RMND1: variants seen among roughly 807,000 people sequenced by gnomAD.
The protein encoded by RMND1 is required for meiotic nuclear division 1 homolog.
In RMND1, 41 loss-of-function variants were observed where a neutral mutation model predicts 54.0. The ratio of observed to expected loss-of-function variants is 0.76; its 90% CI spans 0.59 to 0.98. RMND1 has a LOEUF of 0.98. Among genes scored for constraint, RMND1 ranks in the 50% least tolerant of loss-of-function variants. The pLI is 0.00. For synonymous variants in RMND1, 183 were observed against 181.7 expected, an observed-to-expected ratio of 1.01 and a Z score of -0.06; for missense variants, 457 against 532.0, an observed-to-expected ratio of 0.86 and a Z score of 1.39.
At chr6:151,408,901 C>G (rs1477772004) in intron 10 of RMND1, 1 of 152,218 alleles carries the variant, frequency 6.6e-6, no homozygotes, top group Non-Finnish European at 1.5e-5. Flanking sequence ...GACTTCTGAC[C>G]TACAGAACAG....
At chr6:151,414,163 G>A (rs927224841) in intron 10 of RMND1, among the ~76,000 whole-genome samples, 1 of 151,882 alleles carries the variant, frequency 6.6e-6, no homozygotes, top group South Asian at 2.1e-4. Flanking sequence ...TCAAACTCCT[G>A]GGCTAAAGCA....
chr6:151,429,287 A>G (rs1023641705), intron 5 of RMND1, among the ~76,000 whole-genome samples: 1 of 151,804 alleles, frequency 6.6e-6, no homozygotes, highest in African/African-American at 2.4e-5. Context: ...ACGCCCAGCT[A>G]ATTTTTGTAT....
chr6:151,408,012 A>T (rs938606657), intron 10 of RMND1, among the ~76,000 whole-genome samples: 21 of 152,202 alleles, frequency 1.4e-4, no homozygotes, highest in African/African-American at 4.1e-4. Context: ...CAAAGAAAAA[A>T]CCAGGAGAGG....
At chr6:151,426,492 T>C (rs575229802) in intron 6 of RMND1, among the ~76,000 whole-genome samples, 24 of 152,260 alleles carry the variant, frequency 1.6e-4, no homozygotes, top group African/African-American at 4.1e-4. Flanking sequence ...GTCTCTTAGA[T>C]TGACCCCTCA....
chr6:151,437,356 A>G (rs998882573), intron 2 of RMND1, among the ~76,000 whole-genome samples: 6 of 152,278 alleles, frequency 3.9e-5, no homozygotes, highest in South Asian at 2.1e-4. Context: ...CTATGTATCT[A>G]CTCTAGGTCG....
chr6:151,424,876 G>T (rs753826998), intron 6 of RMND1, among the ~76,000 whole-genome samples: 1 of 148,594 alleles, frequency 6.7e-6, no homozygotes, highest in Non-Finnish European at 1.5e-5. Context: ...GGGACAAGGG[G>T]CCTGATGGAG....
intron 7 of RMND1, 71 bp downstream of exon 7, chr6:151,423,454 C>G (rs146854593): frequency 1.1e-6 from 1 of 937,852 alleles, no homozygotes; most frequent in African/African-American, 1.6e-5. Flanking sequence ...ATACCAAAAT[C>G]GTGACTATTT....
In RMND1 at chr6:151,448,692, G is replaced by A. The variant is rs192724366; in HGVS notation, c.-14-2867C>T. Among the ~76,000 whole-genome samples, 89 of 152,130 alleles carry A rather than the reference G, an allele frequency of 5.9e-4. 1 individual carries two copies. Among genetic ancestry groups the A allele is most frequent in the African/African-American group, 2.1e-3 (87 of 41,486 alleles). Reference sequence around the variant, plus strand: ...TAACCAGTTTTCCTGATTCTGTTTTGGGCCCCCTACAGTTTCTTCTCAACA... The same window carrying A: ...TAACCAGTTTTCCTGATTCTGTTTTAGGCCCCCTACAGTTTCTTCTCAACA... On this transcript the variant is annotated intron_variant, in intron 1 of 11. Coordinates refer to ENST00000444024, the MANE Select transcript of RMND1 (RefSeq NM_017909.4).
intron 10 of RMND1, among the ~76,000 whole-genome samples, chr6:151,406,157 T>C (rs1033977868): frequency 6.6e-6 from 1 of 152,208 alleles, no homozygotes; most frequent in Non-Finnish European, 1.5e-5. Flanking sequence ...ATAATGTTTT[T>C]TAGCAAGACC....
At chr6:151,434,848 A>G (rs550987914) in intron 3 of RMND1, among the ~76,000 whole-genome samples, 1 of 152,202 alleles carries the variant, frequency 6.6e-6, no homozygotes, top group South Asian at 2.1e-4. Flanking sequence ...AAAATGTTCT[A>G]AGTAACTTAT....
chr6:151,407,798 TCAGGAGGCTGAGG>T (rs2114912388), intron 10 of RMND1, among the ~76,000 whole-genome samples: 1 of 152,020 alleles, frequency 6.6e-6, no homozygotes, highest in South Asian at 2.1e-4. Flanking sequence ...TCCCAGCCAG[TCAGGAGGCTGAGG>T]CAGGAGAATA....
intron 2 of RMND1, 96 bp from the exon 3 acceptor site, chr6:151,436,650 A>C: frequency 8.6e-7 from 1 of 1,166,638 alleles, no homozygotes; most frequent in Non-Finnish European, 1.2e-6. Context: ...CTGCAAAGCT[A>C]GAACTCCAGA....
Position 151,405,722 on chromosome 6 carries a change from C to G in RMND1, c.1315G>C (p.Glu439Gln). Residue 439 changes from glutamate to glutamine, a missense_variant and splice_region_variant, in exon 11 of 12, where the codon GAG becomes CAG. By Grantham distance (29) the Glu-to-Gln change is conservative (BLOSUM62 2). Coordinates refer to ENST00000444024, the MANE Select transcript of RMND1 (RefSeq NM_017909.4). The stretch of plus-strand genomic sequence containing the variant: ...AGTACAGAGCATTTCCATCTTACCT[C>G]TATGGTAATGAGGATGACAATCATC... ...EWMIVILITI[E>Q]VMFELGRVFF The G allele has an allele frequency of 6.9e-7, 1 of 1,446,772 alleles. No homozygotes were observed. Among genetic ancestry groups the G allele is most frequent in the Non-Finnish European group, 9.7e-7 (1 of 1,027,718 alleles). 89.6% of individuals were successfully genotyped at this position (1,446,772 alleles called of 1,614,324 possible). A position where few individuals can be genotyped will look rare whatever the true frequency, so the allele number is the denominator to read the frequency against.
intron 1 of RMND1, among the ~76,000 whole-genome samples, chr6:151,451,559 T>A (rs1781198294): frequency 6.6e-6 from 1 of 152,164 alleles, no homozygotes; most frequent in Non-Finnish European, 1.5e-5. Flanking sequence ...GGATACGGAT[T>A]TGTGTTTTTT....
intron 3 of RMND1, 74 bp downstream of exon 3, chr6:151,436,372 T>C (rs961270275): frequency 6.5e-7 from 1 of 1,549,344 alleles, no homozygotes; most frequent in Non-Finnish European, 8.9e-7. Context: ...AACAAATACA[T>C]ACTTAAGATA....
intron 6 of RMND1, 29 bp downstream of exon 6, chr6:151,427,453 T>G (rs1481865214): frequency 7.4e-7 from 1 of 1,353,094 alleles, no homozygotes; most frequent in African/African-American, 1.4e-5. Context: ...CAAGTGCCCC[T>G]TTCATAAATT....
chr6:151,405,563 A>T (rs1193987980), intron 11 of RMND1, among the ~76,000 whole-genome samples, 157 bp downstream of exon 11: 1 of 152,248 alleles, frequency 6.6e-6, no homozygotes, highest in Non-Finnish European at 1.5e-5. Flanking sequence ...ATGCATTTGC[A>T]AATAGTAATT....
At chr6:151,407,555 T>C (rs1473437621) in intron 10 of RMND1, among the ~76,000 whole-genome samples, 1 of 152,144 alleles carries the variant, frequency 6.6e-6, no homozygotes, top group Non-Finnish European at 1.5e-5. Context: ...TTATTAAGTC[T>C]AACAACTTAG....
At chr6:151,433,084 T>C in intron 4 of RMND1, 71 bp downstream of exon 4, 1 of 848,600 alleles carries the variant, frequency 1.2e-6, no homozygotes, top group South Asian at 1.5e-5. Context: ...AAGGTATGCC[T>C]GCACCTTTAA....
Sources: allele counts gnomAD v4.1 joint callset (sites outside exome capture counted in the v4.1 genomes callset), GRCh38; gene constraint gnomAD v4.1.1; transcripts MANE v1.5; gene names NCBI Gene and HGNC (gene_info 2026-07-23, HGNC 2026-07-21).